The following CRADD variants were observed in gnomAD, a reference collection of about 807,000 sequenced individuals.
The protein encoded by CRADD is CARD and death domain containing adaptor protein, also known as death domain-containing protein CRADD.
A neutral mutation model predicts 15.5 loss-of-function variants in CRADD; 9 were observed. The ratio of observed to expected loss-of-function variants is 0.58; its 90% CI spans 0.35 to 1.01. The LOEUF is 1.01. CRADD is among the 50% of genes least tolerant of loss of function. The probability of loss-of-function intolerance (pLI) is 0.02; values close to 1 mark genes in which losing one functional copy is unlikely to be tolerated. For missense variants in CRADD, 227 were observed against 250.3 expected (o/e 0.91, Z 0.63); for synonymous variants, 118 against 107.6 (o/e 1.10, Z -0.60).
intron 2 of CRADD, among the ~76,000 whole-genome samples, chr12:93,822,647 C>G (rs187184525): frequency 1.2e-4 from 18 of 152,294 alleles, no homozygotes; most frequent in African/African-American, 4.3e-4. Flanking sequence ...GTGTTACATG[C>G]AGTCACCTTT....
At chr12:93,838,603 C>T (rs1958009708) in intron 2 of CRADD, among the ~76,000 whole-genome samples, 1 of 143,184 alleles carries the variant, frequency 7.0e-6, no homozygotes, top group South Asian at 2.2e-4. Context: ...AGTTTATGGT[C>T]TACTTCACTA....
At chr12:93,818,820 A>G (rs1480007396) in intron 2 of CRADD, among the ~76,000 whole-genome samples, 7 of 152,182 alleles carry the variant, frequency 4.6e-5, no homozygotes, top group African/African-American at 1.7e-4. Context: ...CCTCCCAAAG[A>G]GACAGAGCAT....
chr12:93,839,579 T>C (rs1958024091), intron 2 of CRADD, among the ~76,000 whole-genome samples: 1 of 152,222 alleles, frequency 6.6e-6, no homozygotes, highest in Non-Finnish European at 1.5e-5. Flanking sequence ...TGAACAACGT[T>C]CTCTACATCA....
At chr12:93,853,897 C>T (rs1419393008), downstream of CRADD, among the ~76,000 whole-genome samples, 4 of 152,182 alleles carry the variant, frequency 2.6e-5, no homozygotes, top group African/African-American at 9.7e-5. Context: ...TTAACCACTT[C>T]CCTGCGTGGA....
At chr12:93,882,207 G>T (rs1331780111) in intron 2 of CRADD, among the ~76,000 whole-genome samples, 4 of 151,818 alleles carry the variant, frequency 2.6e-5, no homozygotes, top group Non-Finnish European at 4.4e-5. Flanking sequence ...GGATCACAAG[G>T]TCAGGAGTTC....
At chr12:93,852,959 G>A (rs1338317013), downstream of CRADD, among the ~76,000 whole-genome samples, 1 of 150,018 alleles carries the variant, frequency 6.7e-6, no homozygotes, top group Non-Finnish European at 1.5e-5. Context: ...ATGGCAGTTT[G>A]AAAAAAAACA....
chr12:93,872,746 A>T (rs991172118), intron 2 of CRADD, among the ~76,000 whole-genome samples: 1 of 152,002 alleles, frequency 6.6e-6, no homozygotes, highest in Admixed American at 6.6e-5. Flanking sequence ...TGAGTTCTCT[A>T]TTCTGTTCCA....
chr12:93,798,390 T>G (rs1957443404), intron 2 of CRADD, among the ~76,000 whole-genome samples: 1 of 152,202 alleles, frequency 6.6e-6, no homozygotes, highest in South Asian at 2.1e-4. Flanking sequence ...GAAATAAGAC[T>G]GATTGAGTCA....
At chr12:93,707,616 T>A (rs1282611746) in intron 2 of CRADD, among the ~76,000 whole-genome samples, 2 of 152,132 alleles carry the variant, frequency 1.3e-5, no homozygotes, top group African/African-American at 4.8e-5. Flanking sequence ...GACTCATAAG[T>A]CCCAGAACAC....
At chr12:93,705,506 A>G (rs1955927940) in intron 2 of CRADD, among the ~76,000 whole-genome samples, 1 of 152,196 alleles carries the variant, frequency 6.6e-6, no homozygotes, top group South Asian at 2.1e-4. Context: ...TGCATTGGAA[A>G]TACATTCCTT....
In CRADD at chr12:93,811,941, T is replaced by C. The variant is rs1411103766; in HGVS notation, c.299-38029T>C. 2.0e-5 allele frequency among the ~76,000 whole-genome samples: 3 copies of C among 152,186 alleles called. No individual in the cohort carries two copies. In the East Asian group the frequency reaches 5.8e-4, roughly 29 times the overall value. On this transcript the variant is annotated intron_variant, in intron 2 of 2. Coordinates refer to ENST00000332896, the MANE Select transcript of CRADD (RefSeq NM_003805.5). The stretch of plus-strand genomic sequence containing the variant: ...ACTGTGGTATGTCCATCTGTATCTT[T>C]TATTCAGTGATAAAAGAAATGAGCT...
At chr12:93,726,108 T>G (rs1460734757) in intron 2 of CRADD, among the ~76,000 whole-genome samples, 1 of 148,900 alleles carries the variant, frequency 6.7e-6, no homozygotes, top group Non-Finnish European at 1.5e-5. Flanking sequence ...TTTTTTTTTT[T>G]TTTTTTTTTT....
chr12:93,702,333 AG>A (rs1955857997), intron 2 of CRADD, among the ~76,000 whole-genome samples: 1 of 151,864 alleles, frequency 6.6e-6, no homozygotes, highest in African/African-American at 2.4e-5. Context: ...CCTGAATATA[AG>A]GGAGCTGGCC....
At chr12:93,873,814 C>T (rs753390964) in intron 2 of CRADD, among the ~76,000 whole-genome samples, 5 of 151,788 alleles carry the variant, frequency 3.3e-5, no homozygotes, top group Admixed American at 6.6e-5. Flanking sequence ...TCGATTTGTT[C>T]GTGTTTTGTT....
intron 2 of CRADD, chr12:93,738,778 A>C: frequency 4.4e-6 from 1 of 229,146 alleles, no homozygotes; most frequent in Non-Finnish European, 8.4e-6. Context: ...TTAGTAAGTC[A>C]CAAACTCTGA....
intron 2 of CRADD, among the ~76,000 whole-genome samples, chr12:93,712,427 C>T (rs1956090919): frequency 6.6e-6 from 1 of 152,164 alleles, no homozygotes; most frequent in Non-Finnish European, 1.5e-5. Context: ...TTGTCATACA[C>T]AGTAGGTCCT....
At chr12:93,890,896 C>G (rs563815814) in intron 2 of CRADD, among the ~76,000 whole-genome samples, 20 of 151,630 alleles carry the variant, frequency 1.3e-4, no homozygotes, top group African/African-American at 4.6e-4. Flanking sequence ...ACTACAGGCA[C>G]GTGCCACACC....
intron 2 of CRADD, among the ~76,000 whole-genome samples, chr12:93,883,013 C>T (rs940684265): frequency 3.3e-5 from 5 of 152,102 alleles, no homozygotes; most frequent in African/African-American, 9.7e-5. Context: ...AGTGGCAACA[C>T]GAAGAGACTT....
intron 2 of CRADD, among the ~76,000 whole-genome samples, chr12:93,716,419 T>C (rs575634776): frequency 1.3e-5 from 2 of 152,324 alleles, no homozygotes; most frequent in East Asian, 3.9e-4. Context: ...GGGTTCATTC[T>C]TGATATTGTA....
Sources: gnomAD v4.1 joint callset for allele counts (sites outside exome capture counted in the v4.1 genomes callset) on GRCh38, gnomAD v4.1.1 for gene constraint, MANE v1.5 for transcripts, NCBI Gene and HGNC (gene_info 2026-07-23, HGNC 2026-07-21) for gene names.